The following DTNA variants were observed in gnomAD, a reference collection of about 807,000 sequenced individuals.
DTNA encodes dystrophin-related protein 3.
Under a neutral mutation model 100.7 loss-of-function variants are expected in DTNA, and 43 were observed. The observed-to-expected ratio is 0.43, with a 90% CI of 0.33 to 0.55. DTNA has a LOEUF of 0.55. Ranked by LOEUF, DTNA falls within the 20% of genes least tolerant of loss-of-function variation. The probability of loss-of-function intolerance (pLI) is 0.04; values close to 1 mark genes in which losing one functional copy is unlikely to be tolerated. For missense variants in DTNA, 798 were observed against 953.9 expected (o/e 0.84, Z 2.15); for synonymous variants, 349 against 347.9 (o/e 1.00, Z -0.04).
chr18:34,752,805 A>G (rs973540726), intron 1 of DTNA, among the ~76,000 whole-genome samples: 1 of 152,250 alleles, frequency 6.6e-6, no homozygotes, highest in Non-Finnish European at 1.5e-5. Flanking sequence ...ATTAATCAAA[A>G]AAAACATGAG....
chr18:34,721,643 G>A (rs1307690413), intron 1 of DTNA, among the ~76,000 whole-genome samples: 1 of 152,174 alleles, frequency 6.6e-6, no homozygotes, highest in Non-Finnish European at 1.5e-5. Flanking sequence ...CTTATACTTA[G>A]GCAAAACTAA....
At chr18:34,878,537 C>T (rs565143133) in intron 19 of DTNA, among the ~76,000 whole-genome samples, 8 of 152,188 alleles carry the variant, frequency 5.3e-5, no homozygotes, top group African/African-American at 1.7e-4. Flanking sequence ...AACTCCTGGG[C>T]TCAAACAGTC....
chr18:34,594,961 G>A (rs778058005), intron 1 of DTNA, among the ~76,000 whole-genome samples: 1 of 152,294 alleles, frequency 6.6e-6, no homozygotes, highest in Non-Finnish European at 1.5e-5. Flanking sequence ...AGTAATATTT[G>A]CTTTTCAGTG....
At chr18:34,878,570 T>G (rs2096841647) in intron 19 of DTNA, among the ~76,000 whole-genome samples, 1 of 152,170 alleles carries the variant, frequency 6.6e-6, no homozygotes, top group Non-Finnish European at 1.5e-5. Flanking sequence ...CCTCCCGAAG[T>G]GCTGGGATTC....
intron 1 of DTNA, among the ~76,000 whole-genome samples, chr18:34,542,188 C>T (rs927102780): frequency 6.6e-6 from 1 of 151,888 alleles, no homozygotes; most frequent in African/African-American, 2.4e-5. Context: ...ATTCTTTTGC[C>T]TTATATTGTA....
chr18:34,732,568 G>A (rs1038816066), intron 1 of DTNA, among the ~76,000 whole-genome samples: 4 of 152,200 alleles, frequency 2.6e-5, no homozygotes, highest in Admixed American at 6.5e-5. Flanking sequence ...CCCTGCTTAC[G>A]TTTTAGAAGC....
chr18:34,560,393 A>G (rs2046527834), intron 1 of DTNA, among the ~76,000 whole-genome samples: 1 of 152,226 alleles, frequency 6.6e-6, no homozygotes, highest in South Asian at 2.1e-4. Flanking sequence ...AGTAATGAGA[A>G]AGTTACAAAT....
intron 8 of DTNA, 60 bp downstream of exon 8, chr18:34,818,390 G>A: frequency 6.3e-7 from 1 of 1,591,230 alleles, no homozygotes; most frequent in East Asian, 2.3e-5. Flanking sequence ...CAGAGTTAAA[G>A]GGAATATCAA....
intron 1 of DTNA, among the ~76,000 whole-genome samples, chr18:34,677,197 A>G (rs1178330553): frequency 6.6e-6 from 1 of 152,132 alleles, no homozygotes; most frequent in Non-Finnish European, 1.5e-5. Context: ...CTGCCTTGTG[A>G]TCCGTAGACC....
chr18:34,694,472 A>T (rs918710456), intron 1 of DTNA, among the ~76,000 whole-genome samples: 1 of 152,214 alleles, frequency 6.6e-6, no homozygotes, highest in Non-Finnish European at 1.5e-5. Flanking sequence ...AGTTTATTTT[A>T]GTGAAATCTT....
intron 4 of DTNA, among the ~76,000 whole-genome samples, chr18:34,803,718 G>T (rs2149212284): frequency 6.6e-6 from 1 of 152,172 alleles, no homozygotes; most frequent in East Asian, 1.9e-4. Context: ...TCAAATGTTT[G>T]ATACTTCCAG....
chr18:34,642,638 G>A (rs1460127876), intron 1 of DTNA, among the ~76,000 whole-genome samples: 7 of 151,374 alleles, frequency 4.6e-5, no homozygotes, highest in African/African-American at 1.2e-4. Context: ...GGCTCACTGC[G>A]ACCTCCGACT....
At chr18:34,538,810 A>G (rs1469256523) in intron 1 of DTNA, among the ~76,000 whole-genome samples, 2 of 152,018 alleles carry the variant, frequency 1.3e-5, no homozygotes, top group African/African-American at 2.4e-5. Flanking sequence ...ATAAAATAAT[A>G]TATAATTGTA....
At chr18:34,713,092 G>T (rs909436209) in intron 1 of DTNA, among the ~76,000 whole-genome samples, 2 of 151,476 alleles carry the variant, frequency 1.3e-5, no homozygotes, top group Non-Finnish European at 2.9e-5. Context: ...GAAAAGAATT[G>T]GATTTTTTTT....
chr18:34,521,159 G>C (rs1015649507), intron 1 of DTNA, among the ~76,000 whole-genome samples: 3 of 152,018 alleles, frequency 2.0e-5, no homozygotes, highest in African/African-American at 7.2e-5. Context: ...TCCTCCTCCA[G>C]GCTTCCCTCA....
chr18:34,621,066 A>T (rs913136501), intron 1 of DTNA, among the ~76,000 whole-genome samples: 3 of 151,650 alleles, frequency 2.0e-5, no homozygotes, highest in Admixed American at 2.0e-4. Context: ...TGAACCGTTG[A>T]TCCAGAAAAA....
intron 1 of DTNA, chr18:34,683,577 A>G (rs2078426708): frequency 6.6e-6 from 1 of 152,092 alleles, no homozygotes; most frequent in East Asian, 1.9e-4. Context: ...CATCTATTCA[A>G]CCAATGTCAA....
In DTNA at chr18:34,887,968, G is replaced by A. The variant is rs16966155; in HGVS notation, c.*234G>A. On this transcript the variant is annotated 3_prime_UTR_variant, in exon 23 of 23. Transcript: ENST00000444659. Reference sequence around the variant, plus strand: ...TAGTGCAGCTAACTTTTTGTTCTCAGATTTGTAGTGCATAGGTGTGTGTTT... The same window carrying A: ...TAGTGCAGCTAACTTTTTGTTCTCAAATTTGTAGTGCATAGGTGTGTGTTT... 3,589 of 985,748 alleles carry A rather than the reference G, an allele frequency of 3.6e-3. 102 individuals are homozygous for A. In the African/African-American group the frequency reaches 0.058, roughly 16 times the overall value. 61.1% of individuals were successfully genotyped at this position (985,748 alleles called of 1,614,324 possible).
rs114543189 is a variant in DTNA, at chr18:34,875,734, T to C, written c.1903+336T>C. Among the ~76,000 whole-genome samples the C allele has an allele frequency of 8.1e-3, 1,232 of 152,350 alleles. 23 individuals carry two copies. Among genetic ancestry groups the C allele is most frequent in the African/African-American group, 0.028 (1,171 of 41,582 alleles). On this transcript the variant is annotated intron_variant, in intron 18 of 22. Transcript: ENST00000444659. Reference sequence around the variant, plus strand: ...TTCTTAGAGATTTTCTTATCTCATATTGTCTTTTCTTTATATTAAAGTCAA... The same window carrying C: ...TTCTTAGAGATTTTCTTATCTCATACTGTCTTTTCTTTATATTAAAGTCAA...
Sources: gnomAD v4.1 joint callset for allele counts (sites outside exome capture counted in the v4.1 genomes callset) on GRCh38, gnomAD v4.1.1 for gene constraint, MANE v1.5 for transcripts, NCBI Gene and HGNC (gene_info 2026-07-23, HGNC 2026-07-21) for gene names.